The following XKR9 variants were observed in gnomAD, a reference collection of about 807,000 sequenced individuals.
XKR9 encodes XK-related protein 9.
In XKR9, 32 loss-of-function variants were observed where a neutral mutation model predicts 32.0. The ratio of observed to expected loss-of-function variants is 1.00; its 90% CI spans 0.76 to 1.34. The LOEUF (loss-of-function observed/expected upper bound fraction) is 1.34. Ranked by LOEUF, XKR9 falls within the 40% of genes most tolerant of loss-of-function variation. The pLI, the probability that XKR9 is intolerant of heterozygous loss-of-function variation, is 0.00. For missense variants in XKR9, 546 were observed against 429.7 expected, an observed-to-expected ratio of 1.27 and a Z score of -2.39; for synonymous variants, 168 against 143.4, an observed-to-expected ratio of 1.17 and a Z score of -1.22.
the XKR9 span, among the ~76,000 whole-genome samples, chr8:70,925,598 T>C: frequency 6.6e-6 from 1 of 152,204 alleles, no homozygotes; most frequent in Non-Finnish European, 1.5e-5. Flanking sequence ...GTTGGCATAA[T>C]AGGAGAAATG....
At chr8:70,752,389 CGTT>C (rs1286875646) in intron 2 of XKR9, among the ~76,000 whole-genome samples, 1 of 152,130 alleles carries the variant, frequency 6.6e-6, no homozygotes. Context: ...GGCCACATCT[CGTT>C]GGCTTCTGGT....
At chr8:71,062,750 G>C in the XKR9 span, among the ~76,000 whole-genome samples, 1 of 151,630 alleles carries the variant, frequency 6.6e-6, no homozygotes. Context: ...TATGGAGCAA[G>C]GTGTTAATAG....
chr8:70,815,038 A>G, the XKR9 span, among the ~76,000 whole-genome samples: 6 of 152,192 alleles, frequency 3.9e-5, no homozygotes, highest in East Asian at 1.9e-4. Flanking sequence ...TTGTGTAGAT[A>G]AAAGATCTCT....
At position 70,734,524 on chromosome 8, in the gene XKR9, T is replaced by C. The variant is rs1005611985; in HGVS notation, c.*100T>C. 3.1e-5 allele frequency: 43 copies of C among 1,366,494 alleles called. No individual in the cohort carries two copies. Among genetic ancestry groups the C allele is most frequent in the Admixed American group, 6.8e-5 (2 of 29,320 alleles). 84.6% of individuals were successfully genotyped at this position (1,366,494 alleles called of 1,614,324 possible). A position where few individuals can be genotyped will look rare whatever the true frequency, so the allele number is the denominator to read the frequency against. ...GTGTTGTCTCTTATTTTTGCCACCTTTAATTTGAAATTAGTTCAGTGAAAT... is the reference window on the plus strand; with the variant it reads ...GTGTTGTCTCTTATTTTTGCCACCTCTAATTTGAAATTAGTTCAGTGAAAT... On this transcript the variant is annotated 3_prime_UTR_variant, in exon 5 of 5. Coordinates refer to ENST00000408926, the MANE Select transcript of XKR9 (RefSeq NM_001011720.2).
chr8:70,950,106 A>G, the XKR9 span, among the ~76,000 whole-genome samples: 1 of 152,182 alleles, frequency 6.6e-6, no homozygotes, highest in Non-Finnish European at 1.5e-5. Flanking sequence ...AACTTCACTA[A>G]TTCATTCATT....
chr8:70,965,575 G>T, the XKR9 span, among the ~76,000 whole-genome samples: 39 of 152,046 alleles, frequency 2.6e-4, no homozygotes, highest in Non-Finnish European at 4.4e-5. Context: ...AATCTGTCTG[G>T]TCCTGGGTTT....
the XKR9 span, among the ~76,000 whole-genome samples, chr8:70,848,213 A>G: frequency 6.6e-6 from 1 of 152,126 alleles, no homozygotes; most frequent in East Asian, 1.9e-4. Flanking sequence ...CCAAGAAGAA[A>G]TTATATGATT....
intron 3 of XKR9, among the ~76,000 whole-genome samples, chr8:70,701,915 G>T (rs900925448): frequency 6.6e-6 from 1 of 152,092 alleles, no homozygotes; most frequent in Non-Finnish European, 1.5e-5. Context: ...TCTGCCAAAG[G>T]AGAGTTTTCT....
At chr8:71,052,537 CATT>C in the XKR9 span, among the ~76,000 whole-genome samples, 2 of 152,178 alleles carry the variant, frequency 1.3e-5, no homozygotes, top group Admixed American at 1.3e-4. Flanking sequence ...ATTATGGTCA[CATT>C]AGCCCATAGG....
chr8:71,017,516 G>A, the XKR9 span, among the ~76,000 whole-genome samples: 1 of 152,172 alleles, frequency 6.6e-6, no homozygotes, highest in Non-Finnish European at 1.5e-5. Flanking sequence ...AAGAGGACCT[G>A]TCACTCATAC....
chr8:70,744,597 A>G (rs1262282280), intron 2 of XKR9, among the ~76,000 whole-genome samples: 1 of 152,148 alleles, frequency 6.6e-6, no homozygotes, highest in Non-Finnish European at 1.5e-5. Context: ...ATGCTAAGTT[A>G]TGCATTATTT....
chr8:70,804,788 T>C, the XKR9 span, among the ~76,000 whole-genome samples: 1 of 152,224 alleles, frequency 6.6e-6, no homozygotes, highest in Non-Finnish European at 1.5e-5. Flanking sequence ...AAATTTTTTG[T>C]TATCATTTTT....
the XKR9 span, among the ~76,000 whole-genome samples, chr8:70,938,714 G>A: frequency 6.6e-6 from 1 of 152,038 alleles, no homozygotes; most frequent in Admixed American, 6.6e-5. Context: ...AGTAACAGGT[G>A]GTATTTATCT....
chr8:70,731,321 A>G (rs1161041858), intron 4 of XKR9, among the ~76,000 whole-genome samples: 2 of 125,110 alleles, frequency 1.6e-5, no homozygotes, highest in Admixed American at 7.5e-5. Context: ...AGAATTTCAT[A>G]TGCTTTTTTT....
At chr8:70,846,239 T>C in the XKR9 span, among the ~76,000 whole-genome samples, 2 of 152,096 alleles carry the variant, frequency 1.3e-5, no homozygotes, top group African/African-American at 2.4e-5. Flanking sequence ...AGAAAGTCTT[T>C]TCTAGACAAG....
At chr8:70,963,509 T>A in the XKR9 span, among the ~76,000 whole-genome samples, 1 of 152,214 alleles carries the variant, frequency 6.6e-6, no homozygotes, top group East Asian at 1.9e-4. Context: ...GGTCAAATGG[T>A]ATTTCTGCTT....
intron 4 of XKR9, among the ~76,000 whole-genome samples, chr8:70,719,285 C>T (rs1806197226): frequency 1.3e-5 from 2 of 152,094 alleles, no homozygotes; most frequent in South Asian, 4.1e-4. Context: ...GTTTCTTTTG[C>T]TGTGCAGAGC....
chr8:71,001,354 C>T, the XKR9 span, among the ~76,000 whole-genome samples: 17 of 152,206 alleles, frequency 1.1e-4, no homozygotes, highest in African/African-American at 3.6e-4. Flanking sequence ...CTCAACTCCC[C>T]GGGTTCAGGT....
the XKR9 span, among the ~76,000 whole-genome samples, chr8:70,979,388 T>A: frequency 6.6e-6 from 1 of 152,206 alleles, no homozygotes; most frequent in Non-Finnish European, 1.5e-5. Context: ...CTACGTTTGG[T>A]GTTTGATGAT....
Sources: gnomAD v4.1 joint callset for allele counts (sites outside exome capture counted in the v4.1 genomes callset) on GRCh38, gnomAD v4.1.1 for gene constraint, MANE v1.5 for transcripts, NCBI Gene and HGNC (gene_info 2026-07-23, HGNC 2026-07-21) for gene names.